The following UVRAG variants were observed in gnomAD, a reference collection of about 807,000 sequenced individuals.
UVRAG encodes UV radiation resistance-associated gene protein.
Under a neutral mutation model 78.0 loss-of-function variants are expected in UVRAG, and 19 were observed. The ratio of observed to expected loss-of-function variants is 0.24; its 90% confidence interval spans 0.17 to 0.36. UVRAG has a LOEUF of 0.36. UVRAG is among the 10% of genes least tolerant of loss of function. The pLI is 1.00. For synonymous variants in UVRAG, 323 were observed against 324.6 expected (o/e 1.00, Z 0.05); for missense variants, 740 against 853.8 (o/e 0.87, Z 1.66).
At chr11:75,981,224 G>A (rs185339824) in intron 7 of UVRAG, among the ~76,000 whole-genome samples, 249 of 152,034 alleles carry the variant, frequency 1.6e-3, no homozygotes, top group Middle Eastern at 0.014. Flanking sequence ...CGATTTTTCC[G>A]CCTCAGCCTC....
At chr11:75,982,530 C>G (rs1565103018) in intron 7 of UVRAG, among the ~76,000 whole-genome samples, 1 of 152,144 alleles carries the variant, frequency 6.6e-6, no homozygotes, top group Non-Finnish European at 1.5e-5. Flanking sequence ...TTATTACAGA[C>G]AGGTGGGTGG....
chr11:76,024,514 C>A (rs1369040512), intron 12 of UVRAG, among the ~76,000 whole-genome samples: 1 of 152,058 alleles, frequency 6.6e-6, no homozygotes, highest in Non-Finnish European at 1.5e-5. Context: ...ACATTTTGGG[C>A]ATTTTAATAT....
intron 1 of UVRAG, among the ~76,000 whole-genome samples, chr11:75,841,618 A>G (rs1945912521): frequency 6.6e-6 from 1 of 152,160 alleles, no homozygotes; most frequent in South Asian, 2.1e-4. Context: ...TTGCTTTTAT[A>G]GCAATACTGG....
chr11:75,859,040 A>G (rs759112954), intron 2 of UVRAG, among the ~76,000 whole-genome samples: 2 of 152,172 alleles, frequency 1.3e-5, no homozygotes, highest in African/African-American at 2.4e-5. Context: ...TTTATATTTA[A>G]TGGTCTTTTT....
chr11:76,012,907 GT>G (rs1271863080), intron 11 of UVRAG: 1 of 151,596 alleles, frequency 6.6e-6, no homozygotes, highest in Non-Finnish European at 1.5e-5. Context: ...TTCCTTCTGT[GT>G]CTGTATCCCT....
chr11:75,859,232 G>A (rs912452661), intron 2 of UVRAG, among the ~76,000 whole-genome samples: 27 of 151,960 alleles, frequency 1.8e-4, no homozygotes, highest in South Asian at 2.1e-4. Flanking sequence ...AAAATTAGCC[G>A]GGCGGTGGTG....
chr11:75,947,183 C>T (rs903298474), intron 6 of UVRAG, among the ~76,000 whole-genome samples: 1 of 151,990 alleles, frequency 6.6e-6, no homozygotes, highest in Non-Finnish European at 1.5e-5. Context: ...GAATTTGGGG[C>T]GGGGGATGAA....
intron 6 of UVRAG, chr11:75,916,144 T>C (rs1044885667): frequency 2.6e-5 from 4 of 152,240 alleles, no homozygotes; most frequent in African/African-American, 9.6e-5. Context: ...AATATCCTGC[T>C]TTTGCCAGTT....
At chr11:76,000,158 A>G (rs1565112792) in intron 8 of UVRAG, among the ~76,000 whole-genome samples, 1 of 152,228 alleles carries the variant, frequency 6.6e-6, no homozygotes, top group Non-Finnish European at 1.5e-5. Context: ...AGCTAGCAAA[A>G]TGGTAGATTT....
chr11:76,051,606 C>G (rs915656304), intron 12 of UVRAG, among the ~76,000 whole-genome samples: 2 of 152,074 alleles, frequency 1.3e-5, no homozygotes, highest in African/African-American at 4.8e-5. Flanking sequence ...ACTAAAATTA[C>G]CTGGAATTCA....
chr11:76,041,506 G>A (rs1015232049), intron 12 of UVRAG, among the ~76,000 whole-genome samples: 1 of 152,216 alleles, frequency 6.6e-6, no homozygotes, highest in Non-Finnish European at 1.5e-5. Context: ...CAGAATGGAA[G>A]CACAGACACC....
At chr11:75,839,168 T>A (rs1006153390) in intron 1 of UVRAG, 6 of 152,182 alleles carry the variant, frequency 3.9e-5, no homozygotes, top group Non-Finnish European at 8.8e-5. Context: ...TTCTTTGCCA[T>A]TTTTTTCTGT....
intron 4 of UVRAG, among the ~76,000 whole-genome samples, chr11:75,880,249 A>G: frequency 6.6e-6 from 1 of 152,192 alleles, no homozygotes; most frequent in East Asian, 1.9e-4. Context: ...ATCATTGCCT[A>G]GTTTAACAAA....
At chr11:76,101,165 G>A (rs188052286) in intron 13 of UVRAG, among the ~76,000 whole-genome samples, 1 of 152,116 alleles carries the variant, frequency 6.6e-6, no homozygotes, top group Non-Finnish European at 1.5e-5. Flanking sequence ...TTTGTTTTTA[G>A]CTCTTTGAGA....
At chr11:75,827,421 C>G (rs1318713686) in intron 1 of UVRAG, among the ~76,000 whole-genome samples, 1 of 151,984 alleles carries the variant, frequency 6.6e-6, no homozygotes, top group African/African-American at 2.4e-5. Flanking sequence ...ACTAGCCTGC[C>G]CAACATGGCG....
chr11:75,981,381 G>C (rs1232320059), intron 7 of UVRAG, among the ~76,000 whole-genome samples: 1 of 152,002 alleles, frequency 6.6e-6, no homozygotes, highest in Non-Finnish European at 1.5e-5. Context: ...CAAAATGCTG[G>C]AATTACAGGT....
intron 13 of UVRAG, among the ~76,000 whole-genome samples, chr11:76,089,531 A>C (rs1431978073): frequency 6.6e-6 from 1 of 152,248 alleles, no homozygotes; most frequent in Non-Finnish European, 1.5e-5. Context: ...AGAATTGAAA[A>C]TGGAAGGAAG....
At chr11:75,892,317 A>G (rs775164836) in intron 5 of UVRAG, 17 of 985,230 alleles carry the variant, frequency 1.7e-5, no homozygotes, top group Non-Finnish European at 1.9e-5. Flanking sequence ...GAAACTGCAG[A>G]TGCTCCTTTC....
rs530406583 is a variant in UVRAG, at chr11:76,144,180, A to G, written c.*2767A>G. Among the ~76,000 whole-genome samples, 44 of 152,260 alleles carry G rather than the reference A, an allele frequency of 2.9e-4. No homozygotes were observed. Among genetic ancestry groups the G allele is most frequent in the Non-Finnish European group, 5.3e-4 (36 of 68,048 alleles). On this transcript the variant is annotated 3_prime_UTR_variant, in exon 15 of 15. Coordinates refer to ENST00000356136, the MANE Select transcript of UVRAG (RefSeq NM_003369.4). Reference sequence around the variant, plus strand: ...GGCATGTGAAACTGATCTGTTGGTAACTGGAAGAAAACTCAGCATCTGTAT... The same window carrying G: ...GGCATGTGAAACTGATCTGTTGGTAGCTGGAAGAAAACTCAGCATCTGTAT...
Sources: gnomAD v4.1 joint callset for allele counts (sites outside exome capture counted in the v4.1 genomes callset) on GRCh38, gnomAD v4.1.1 for gene constraint, MANE v1.5 for transcripts, NCBI Gene and HGNC (gene_info 2026-07-23, HGNC 2026-07-21) for gene names.